Variants in SEPTIN6 observed in about 807,000 individuals in gnomAD.
SEPTIN6 encodes septin-6.
A neutral mutation model predicts 33.6 loss-of-function variants in SEPTIN6; 8 were observed. The ratio of observed to expected loss-of-function variants is 0.24; its 90% CI spans 0.14 to 0.43. SEPTIN6 has a LOEUF of 0.43. SEPTIN6 is among the 20% of genes least tolerant of loss of function. SEPTIN6 has a pLI of 1.00. For synonymous variants in SEPTIN6, 131 were observed against 140.0 expected (o/e 0.94, Z 0.45); for missense variants, 250 against 340.8 (o/e 0.73, Z 2.10).
At chrX:119,623,954 T>C in intron 10 of SEPTIN6, 1 of 200,008 alleles carries the variant, frequency 5.0e-6, no homozygotes, top group South Asian at 6.4e-5. Flanking sequence ...CCTTAATCCC[T>C]GCTTTCAGTC....
At chrX:119,667,717 G>A (rs773889780) in intron 2 of SEPTIN6, among the ~76,000 whole-genome samples, 1 of 110,134 alleles carries the variant, frequency 9.1e-6, no homozygotes, top group Non-Finnish European at 1.9e-5. Flanking sequence ...GGAGGCACAC[G>A]TGACCTAACT....
rs780126560 is a variant in SEPTIN6, at chrX:119,679,984, A to T, written c.31-4316T>A. Among the ~76,000 whole-genome samples the T allele has an allele frequency of 3.6e-5, 4 of 111,868 alleles. No individual in the cohort carries two copies. The East Asian group carries it at 1.1e-3, about 31-fold the overall frequency. On this transcript the variant is annotated intron_variant, in intron 1 of 10. Coordinates refer to ENST00000394610, the MANE Select transcript of SEPTIN6 (RefSeq NM_145799.4). Reference sequence around the variant, plus strand: ...TGGATTGACAGCACCATGGAGACACATAGGAAAGCCAGGAAAAGATGCCTG... The same window carrying T: ...TGGATTGACAGCACCATGGAGACACTTAGGAAAGCCAGGAAAAGATGCCTG...
intron 10 of SEPTIN6, among the ~76,000 whole-genome samples, chrX:119,623,198 T>C (rs1355751547): frequency 2.7e-5 from 3 of 111,827 alleles, no homozygotes; most frequent in Non-Finnish European, 5.6e-5. Flanking sequence ...ATATTTTATA[T>C]TCCCTGATCC....
In SEPTIN6 at chrX:119,688,710, G is replaced by A. The variant is rs867039822; in HGVS notation, c.30+4366C>T. Among the ~76,000 whole-genome samples, 538 of 78,721 alleles carry A rather than the reference G, an allele frequency of 6.8e-3. 7 individuals carry two copies. The highest frequency in any genetic ancestry group is 0.022 in the African/African-American group (480 of 21,802). The allele number at this position is 78,721 out of a possible 115,157, so 68.4% of individuals were successfully genotyped here. A position where few individuals can be genotyped will look rare whatever the true frequency, so the allele number is the denominator to read the frequency against. ...CGACAGAACAAGACTCCATCTCGGG[G>A]AAAAAAAAAAAAAAAAGGAAAAGAA... On this transcript the variant is annotated intron_variant, in intron 1 of 10. Transcript: ENST00000394610.
intron 7 of SEPTIN6, 77 bp from the exon 8 acceptor site, chrX:119,633,569 C>T: frequency 9.2e-7 from 1 of 1,083,688 alleles, no homozygotes; most frequent in African/African-American, 1.8e-5. Flanking sequence ...AAGATCCTCA[C>T]TGGGTTCCTC....
chrX:119,616,862 A>G (rs1316217748), downstream of SEPTIN6: 30 of 1,082,668 alleles, frequency 2.8e-5, no homozygotes, highest in East Asian at 8.9e-4. Flanking sequence ...TAGTGTGAGA[A>G]GACAGGTTAG....
At chrX:119,692,707 A>T (rs2055197237) in intron 1 of SEPTIN6, among the ~76,000 whole-genome samples, 1 of 112,774 alleles carries the variant, frequency 8.9e-6, no homozygotes, top group East Asian at 2.8e-4. Flanking sequence ...CGGCAAGGCC[A>T]GGGTGCCAGG....
chrX:119,637,004 G>A, intron 7 of SEPTIN6, 23 bp downstream of exon 7: 1 of 1,201,723 alleles, frequency 8.3e-7, no homozygotes, highest in South Asian at 1.8e-5. Flanking sequence ...GGCTGGGCTG[G>A]GCTGGGCTGG....
At position 119,682,719 on chromosome X, in the gene SEPTIN6, CCT is replaced by C. The variant is rs779438246; in HGVS notation, c.31-7053_31-7052del. On this transcript the variant is annotated intron_variant, in intron 1 of 10. Transcript: ENST00000394610. ...GTCCCTTAAGCACCCGAGTAGGCCA[CCT>C]CTGTCCCCCACTCCCCTTGGCCCCT... is the stretch of plus-strand genomic sequence containing the variant. Among the ~76,000 whole-genome samples the C allele has an allele frequency of 2.3e-3, 258 of 110,688 alleles. 2 individuals are homozygous for C. Among genetic ancestry groups the C allele is most frequent in the Non-Finnish European group, 4.2e-3 (222 of 52,867 alleles).
chrX:119,644,407 T>TAA (rs201584131), intron 5 of SEPTIN6, among the ~76,000 whole-genome samples: 6,729 of 96,450 alleles, frequency 0.07, 329 homozygotes, highest in African/African-American at 0.18. Context: ...AGAAATTTAT[T>TAA]CAAAAAAAAA....
Position 119,629,315 on chromosome X carries a change from T to C in SEPTIN6, c.1280+3A>G, listed in dbSNP as rs2053916725. On this transcript the variant is annotated splice_donor_region_variant and intron_variant, in intron 9 of 10. Coordinates refer to ENST00000394610, the MANE Select transcript of SEPTIN6 (RefSeq NM_145799.4). ...CACCACCCCAGAGCAGCCTGCTACT[T>C]ACTTTTTCTTCTCTTTGTCTCTCTT... 1 of 1,209,786 alleles carries C rather than the reference T, an allele frequency of 8.3e-7. No individual in the cohort carries two copies. The highest frequency in any genetic ancestry group is 1.1e-6 in the Non-Finnish European group (1 of 894,544).
chrX:119,640,823 A>G (rs367612677), intron 5 of SEPTIN6, 35 bp from the exon 6 acceptor site: 72 of 1,137,785 alleles, frequency 6.3e-5, no homozygotes, highest in Non-Finnish European at 8.2e-5. Context: ...TGAGAACTGC[A>G]GAAGAAAGGC....
intron 2 of SEPTIN6, among the ~76,000 whole-genome samples, chrX:119,664,271 C>T (rs953184801): frequency 1.6e-4 from 18 of 111,419 alleles, no homozygotes; most frequent in African/African-American, 5.5e-4. Flanking sequence ...CGTTAGCCAC[C>T]GCACCTGGCC....
In SEPTIN6 at chrX:119,619,245, TC is replaced by T; in HGVS notation, c.*847del. ...CCTTATTGGGACAGTATGGAGCCCTTCCGGAAATTACCCCCCGAGATGCTGA... is the reference window on the plus strand; with the variant it reads ...CCTTATTGGGACAGTATGGAGCCCTTCGGAAATTACCCCCCGAGATGCTGA... On this transcript the variant is annotated 3_prime_UTR_variant, in exon 11 of 11. Transcript: ENST00000394610. 1 of 817,800 alleles carries T rather than the reference TC, an allele frequency of 1.2e-6. No homozygotes were observed. The highest frequency in any genetic ancestry group is 1.5e-6 in the Non-Finnish European group (1 of 679,237). The allele number at this position is 817,800 out of a possible 1,213,427, so 67.4% of individuals were successfully genotyped here.
At chrX:119,676,528 G>A in intron 1 of SEPTIN6, among the ~76,000 whole-genome samples, 1 of 111,512 alleles carries the variant, frequency 9.0e-6, no homozygotes, top group Admixed American at 9.5e-5. Flanking sequence ...CCAACACTTT[G>A]GGAGGCCAAG....
rs973249197 is a variant in SEPTIN6, at chrX:119,627,791, CTTTTTTTTTTT to C, written c.1280+1516_1280+1526del. ...CTTCCACTATCCTGTATCTGCACTT[CTTTTTTTTTTT>C]TTTTTTTTTTTTTTTGAGACAGAGT... On this transcript the variant is annotated intron_variant, in intron 9 of 10. Coordinates refer to ENST00000394610, the MANE Select transcript of SEPTIN6 (RefSeq NM_145799.4). Among the ~76,000 whole-genome samples, 228 of 73,672 alleles carry C rather than the reference CTTTTTTTTTTT, an allele frequency of 3.1e-3. 1 individual carries two copies. Among genetic ancestry groups the C allele is most frequent in the African/African-American group, 0.01 (208 of 20,115 alleles). 64.0% of individuals were successfully genotyped at this position (73,672 alleles called of 115,157 possible).
chrX:119,669,113 T>G (rs192182809), intron 2 of SEPTIN6, among the ~76,000 whole-genome samples: 1 of 112,915 alleles, frequency 8.9e-6, no homozygotes, highest in Admixed American at 9.4e-5. Flanking sequence ...AAATAAAATG[T>G]GGAAGAAGTA....
chrX:119,645,688 C>T (rs1027124326), intron 5 of SEPTIN6, among the ~76,000 whole-genome samples: 1 of 111,361 alleles, frequency 9.0e-6, no homozygotes, highest in Admixed American at 9.5e-5. Context: ...TGAGCCACTG[C>T]GCCTGGTAAT....
In SEPTIN6 at chrX:119,684,482, G is replaced by GTTTT. The variant is rs1199777223; in HGVS notation, c.30+8590_30+8593dup. On this transcript the variant is annotated intron_variant, in intron 1 of 10. Transcript: ENST00000394610. ...CAAAAGCACTGATAAGTTCCCAGAGGTTTTTTTTTTTTTTTTTTTTTTCTG... is the reference window on the plus strand; with the variant it reads ...CAAAAGCACTGATAAGTTCCCAGAGGTTTTTTTTTTTTTTTTTTTTTTTTTTCTG... 1.8e-3 allele frequency among the ~76,000 whole-genome samples: 140 copies of GTTTT among 79,420 alleles called. 3 individuals are homozygous for GTTTT. The highest frequency in any genetic ancestry group is 1.9e-3 in the African/African-American group (42 of 21,621). The allele number at this position is 79,420 out of a possible 115,157, so 69.0% of individuals were successfully genotyped here. A position where few individuals can be genotyped will look rare whatever the true frequency, so the allele number is the denominator to read the frequency against.
Sources: gnomAD v4.1 joint callset for allele counts (sites outside exome capture counted in the v4.1 genomes callset) on GRCh38, gnomAD v4.1.1 for gene constraint, MANE v1.5 for transcripts, NCBI Gene and HGNC (gene_info 2026-07-23, HGNC 2026-07-21) for gene names.